The following GRIP1 variants were observed in gnomAD, a reference collection of about 807,000 sequenced individuals.
GRIP1 encodes glutamate receptor interacting protein 1.
Under a neutral mutation model 129.9 loss-of-function variants are expected in GRIP1, and 45 were observed. The ratio of observed to expected loss-of-function variants is 0.35; its 90% CI spans 0.27 to 0.44. The LOEUF is 0.44. Ranked by LOEUF, GRIP1 falls within the 20% of genes least tolerant of loss-of-function variation. The probability of loss-of-function intolerance (pLI) is 1.00; values close to 1 mark genes in which losing one functional copy is unlikely to be tolerated. For synonymous variants in GRIP1, 530 were observed against 520.8 expected, an observed-to-expected ratio of 1.02 and a Z score of -0.24; for missense variants, 1,196 against 1,396.8, an observed-to-expected ratio of 0.86 and a Z score of 2.29.
intron 1 of GRIP1, among the ~76,000 whole-genome samples, chr12:66,814,494 G>A (rs967250392): frequency 1.3e-5 from 2 of 150,516 alleles, no homozygotes; most frequent in Non-Finnish European, 2.9e-5. Context: ...GTTACATTCC[G>A]ATAGTCTAAC....
At chr12:66,545,888 A>G (rs1468431573) in intron 2 of GRIP1, among the ~76,000 whole-genome samples, 1 of 152,228 alleles carries the variant, frequency 6.6e-6, no homozygotes, top group African/African-American at 2.4e-5. Context: ...ACAAGTAACA[A>G]AACATACAGT....
chr12:66,670,694 A>G (rs1421079627), intron 1 of GRIP1, among the ~76,000 whole-genome samples: 1 of 152,228 alleles, frequency 6.6e-6, no homozygotes, highest in East Asian at 1.9e-4. Flanking sequence ...CTTAGGTGTT[A>G]AAGACATTTA....
intron 1 of GRIP1, among the ~76,000 whole-genome samples, chr12:66,732,286 C>T (rs2036462564): frequency 6.6e-6 from 1 of 152,136 alleles, no homozygotes; most frequent in South Asian, 2.1e-4. Context: ...TATGGTGGCT[C>T]ACACCTGTAA....
chr12:67,017,522 T>C (rs2042805838), intron 1 of GRIP1, among the ~76,000 whole-genome samples: 1 of 150,868 alleles, frequency 6.6e-6, no homozygotes, highest in African/African-American at 2.4e-5. Flanking sequence ...TGGTAGATAA[T>C]CTACAAAGGT....
At chr12:66,965,396 T>G (rs1280831845) in intron 1 of GRIP1, among the ~76,000 whole-genome samples, 1 of 152,118 alleles carries the variant, frequency 6.6e-6, no homozygotes, top group African/African-American at 2.4e-5. Context: ...ATATTTTCCC[T>G]CATAATAATC....
chr12:66,608,098 C>T (rs2064618612), intron 1 of GRIP1, among the ~76,000 whole-genome samples: 1 of 152,160 alleles, frequency 6.6e-6, no homozygotes, highest in Non-Finnish European at 1.5e-5. Context: ...TGAATTGTCA[C>T]ATATTTTGCT....
intron 1 of GRIP1, among the ~76,000 whole-genome samples, chr12:66,655,558 A>C (rs997161570): frequency 2.0e-5 from 3 of 151,264 alleles, no homozygotes; most frequent in African/African-American, 7.3e-5. Context: ...CAAATGTATA[A>C]TGACACGTAT....
rs187451702 is a variant in GRIP1 at position 66,506,932 on chromosome 12, A to G, written c.724+8687T>C. Among the ~76,000 whole-genome samples the G allele has an allele frequency of 2.0e-4, 31 of 152,282 alleles. No homozygotes were observed. In the East Asian group the frequency reaches 3.1e-3, roughly 15 times the overall value. Reference sequence around the variant, plus strand: ...TATAAGAAAATCCAATTTTTATCTTAGAAAAATAACATTCTAAGTAAAATA... The same window carrying G: ...TATAAGAAAATCCAATTTTTATCTTGGAAAAATAACATTCTAAGTAAAATA... On this transcript the variant is annotated intron_variant, in intron 7 of 24. Coordinates refer to ENST00000359742, the MANE Select transcript of GRIP1 (RefSeq NM_001366722.1).
chr12:66,986,092 T>C (rs1038822269), intron 1 of GRIP1, among the ~76,000 whole-genome samples: 17 of 152,202 alleles, frequency 1.1e-4, no homozygotes, highest in Non-Finnish European at 1.6e-4. Flanking sequence ...TCTTGATTCC[T>C]ATGCTCCTTC....
chr12:66,864,043 A>C (rs2040158253), intron 1 of GRIP1, among the ~76,000 whole-genome samples: 1 of 152,144 alleles, frequency 6.6e-6, no homozygotes, highest in Non-Finnish European at 1.5e-5. Context: ...ACTTGGCAAG[A>C]TCTTGCTTAA....
At chr12:66,460,064 C>T (rs570652480) in intron 9 of GRIP1, among the ~76,000 whole-genome samples, 4 of 152,146 alleles carry the variant, frequency 2.6e-5, no homozygotes, top group African/African-American at 9.6e-5. Context: ...ATTATTATGA[C>T]CCCCATTTTA....
chr12:66,593,103 T>G (rs142130811), intron 2 of GRIP1, among the ~76,000 whole-genome samples: 1 of 152,310 alleles, frequency 6.6e-6, no homozygotes, highest in African/African-American at 2.4e-5. Flanking sequence ...CATTAAACCT[T>G]ATGGAAAACT....
At chr12:66,876,903 T>C (rs537973370) in intron 1 of GRIP1, among the ~76,000 whole-genome samples, 1 of 152,168 alleles carries the variant, frequency 6.6e-6, no homozygotes, top group South Asian at 2.1e-4. Flanking sequence ...TTAGATAAAC[T>C]CTTTCTAAAA....
intron 1 of GRIP1, among the ~76,000 whole-genome samples, chr12:66,993,851 T>TA (rs2042429682): frequency 7.1e-6 from 1 of 140,654 alleles, no homozygotes; most frequent in Admixed American, 7.1e-5. Context: ...CTTACAGAAA[T>TA]AAAAAGGACT....
chr12:66,748,829 A>T (rs1040797342), intron 1 of GRIP1, among the ~76,000 whole-genome samples: 1 of 152,186 alleles, frequency 6.6e-6, no homozygotes, highest in African/African-American at 2.4e-5. Flanking sequence ...TTTTTAAACC[A>T]ATTGTTTAAA....
intron 1 of GRIP1, among the ~76,000 whole-genome samples, chr12:66,827,150 G>A (rs1022401270): frequency 4.6e-5 from 7 of 151,994 alleles, no homozygotes; most frequent in Admixed American, 1.3e-4. Context: ...CTGTGGGTCC[G>A]GAGTCTTGAC....
intron 1 of GRIP1, among the ~76,000 whole-genome samples, chr12:66,899,953 G>C (rs2040818497): frequency 6.6e-6 from 1 of 151,924 alleles, no homozygotes; most frequent in Non-Finnish European, 1.5e-5. Flanking sequence ...ATGTCCTCTT[G>C]AATGCTAGCA....
chr12:67,022,742 A>G (rs1031668072), intron 1 of GRIP1, among the ~76,000 whole-genome samples: 18 of 152,098 alleles, frequency 1.2e-4, no homozygotes, highest in Non-Finnish European at 2.2e-4. Context: ...CAAGGGGTAA[A>G]GGCGCAGGTT....
intron 1 of GRIP1, among the ~76,000 whole-genome samples, chr12:66,605,811 A>AT (rs1249545805): frequency 6.6e-6 from 1 of 152,184 alleles, no homozygotes; most frequent in Non-Finnish European, 1.5e-5. Context: ...CTGCTGAGAA[A>AT]TTTCTAAATA....
Sources: gnomAD v4.1 joint callset for allele counts (sites outside exome capture counted in the v4.1 genomes callset) on GRCh38, gnomAD v4.1.1 for gene constraint, MANE v1.5 for transcripts, NCBI Gene and HGNC (gene_info 2026-07-23, HGNC 2026-07-21) for gene names.